Variants in ANKRD52 observed in about 807,000 individuals in gnomAD.
The protein encoded by ANKRD52 is ankyrin repeat domain 52.
In ANKRD52, 7 loss-of-function variants were observed where a neutral mutation model predicts 116.0. The ratio of observed to expected loss-of-function variants is 0.06; its 90% CI spans 0.03 to 0.11. The LOEUF (loss-of-function observed/expected upper bound fraction) is 0.11. Among genes scored for constraint, ANKRD52 ranks in the 10% least tolerant of loss-of-function variants. The probability of loss-of-function intolerance (pLI) is 1.00; values close to 1 mark genes in which losing one functional copy is unlikely to be tolerated. For synonymous variants in ANKRD52, 528 were observed against 578.1 expected (o/e 0.91, Z 1.24); for missense variants, 839 against 1,408.6 (o/e 0.60, Z 6.47).
Position 56,252,268 on chromosome 12 carries a change from A to G in ANKRD52, c.1418T>C (p.Val473Ala). 6.2e-7 allele frequency: 1 copy of G among 1,613,934 alleles called. No individual in the cohort carries two copies. The highest frequency in any genetic ancestry group is 8.5e-7 in the Non-Finnish European group (1 of 1,179,872). ...ACCTGCCCCAGCAGTCACCAATGTT[A>G]CTGCACACTGGTAGCTACCGTTAGC... ...AAANGSYQCA[V>A]TLVTAGAGVN... Residue 473 changes from valine (V) to alanine (A), a missense_variant, in exon 14 of 28, where the codon GTA (valine) becomes GCA (alanine). By Grantham distance (64) the Val-to-Ala change is moderately conservative. Around this residue, in one of 2 missense-constraint regions of ANKRD52, gnomAD observed 552 missense variants for 810.6 expected, o/e 0.68. Transcript: ENST00000267116. The surrounding 1 kb of genome is among the most constrained non-coding windows in gnomAD (Gnocchi z 4.7).
rs771231949 is a variant in ANKRD52, at chr12:56,254,833, A to G, written c.550+32T>C. The G allele has an allele frequency of 1.2e-6, 2 of 1,607,144 alleles. No homozygotes were observed. The highest frequency in any genetic ancestry group is 1.7e-6 in the Non-Finnish European group (2 of 1,173,966). ...CCTGCCCTAGGAATCCTAAATGTCAAATTTCTGATTTTCCCGTGTATTCTC... is the reference window on the plus strand; with the variant it reads ...CCTGCCCTAGGAATCCTAAATGTCAGATTTCTGATTTTCCCGTGTATTCTC... On this transcript the variant is annotated intron_variant, in intron 6 of 27. Transcript: ENST00000267116. The surrounding 1 kb of genome is among the most constrained non-coding windows in gnomAD (Gnocchi z 4.6).
chr12:56,254,932 G>C lies in ANKRD52; in HGVS notation c.483C>G (p.Asn161Lys), dbSNP rs1243593660. The change falls in exon 6 of 28, where the codon AAC becomes AAG. Residue 161 changes from asparagine (N) to lysine (K), a missense_variant. Transcript: ENST00000267116. This position sits in a 1 kb window ranked among gnomAD's most constrained non-coding sequence, Gnocchi z 4.6. ...GHLETVNLLLNKGASLNVCDK... is the reference protein window; with the variant it reads ...GHLETVNLLLKKGASLNVCDK... ...CACAGACATTCAGGCTGGCTCCCTT[G>C]TTGAGGAGCAGGTTCACCGTCTGCA... is the stretch of plus-strand genomic sequence containing the variant. 45 of 1,613,150 alleles carry C rather than the reference G, an allele frequency of 2.8e-5. No individual in the cohort carries two copies. Among genetic ancestry groups the C allele is most frequent in the Non-Finnish European group, 3.7e-5 (44 of 1,179,264 alleles).
At position 56,248,250 on chromosome 12, in the gene ANKRD52, A is replaced by C. The variant is rs1392574421; in HGVS notation, c.1777-26T>G. 1 of 1,611,644 alleles carries C rather than the reference A, an allele frequency of 6.2e-7. No homozygotes were observed. Among genetic ancestry groups the C allele is most frequent in the Admixed American group, 1.7e-5 (1 of 60,016 alleles). On this transcript the variant is annotated intron_variant, in intron 17 of 27. Coordinates refer to ENST00000267116, the MANE Select transcript of ANKRD52 (RefSeq NM_173595.4). The surrounding 1 kb of genome is among the most constrained non-coding windows in gnomAD (Gnocchi z 5.1). ...CTGGCAAGGTGCAGGCAACCAGTGC[A>C]CACAGCTCGGGACCTTCCCTGCTCC...
chr12:56,255,946 C>T lies in ANKRD52; in HGVS notation c.300G>A (p.Val100=). The T allele has an allele frequency of 1.3e-6, 2 of 1,575,850 alleles. No homozygotes were observed. The highest frequency in any genetic ancestry group is 1.7e-6 in the Non-Finnish European group (2 of 1,159,324). Residue 100 remains valine, a synonymous_variant, in exon 5 of 28, where the codon GTG becomes GTA. Coordinates refer to ENST00000267116, the MANE Select transcript of ANKRD52 (RefSeq NM_173595.4). This position sits in a 1 kb window ranked among gnomAD's most constrained non-coding sequence, Gnocchi z 4.3. ...LGLLLAHSAD[V]NARDKLWQTP... ...TCTGCCACAGCTTGTCCCGGGCATT[C>T]ACATCTGCTGAATGTGCCAGCAGCA... is the stretch of plus-strand genomic sequence containing the variant.
Position 56,248,620 on chromosome 12 carries a change from C to T in ANKRD52, c.1705-54G>A, listed in dbSNP as rs1871536742. 1 of 1,526,434 alleles carries T rather than the reference C, an allele frequency of 6.6e-7. No homozygotes were observed. Among genetic ancestry groups the T allele is most frequent in the African/African-American group, 1.4e-5 (1 of 72,814 alleles). 94.6% of individuals were successfully genotyped at this position (1,526,434 alleles called of 1,614,324 possible). A position where few individuals can be genotyped will look rare whatever the true frequency, so the allele number is the denominator to read the frequency against. On this transcript the variant is annotated intron_variant, in intron 16 of 27. Coordinates refer to ENST00000267116, the MANE Select transcript of ANKRD52 (RefSeq NM_173595.4). The surrounding 1 kb of genome is among the most constrained non-coding windows in gnomAD (Gnocchi z 5.1). ...GACTCTGGAACTCCCAAGATAGTAC[C>T]CCAGTCCCCGACTCGCAGTAATCCC...
chr12:56,252,217 C>T lies in ANKRD52; in HGVS notation c.1469G>A (p.Cys490Tyr), dbSNP rs1871735932. 1 of 1,613,838 alleles carries T rather than the reference C, an allele frequency of 6.2e-7. No individual in the cohort carries two copies. The highest frequency in any genetic ancestry group is 1.7e-5 in the Admixed American group (1 of 60,006). ...AGVNEADCKG[C>Y]SPLHYAAASD... ...AGCGGCAGCGTAGTGGAGGGGAGAG[C>T]AGCCTTTACAGTCGGCCTCGTTGAC... is the stretch of plus-strand genomic sequence containing the variant. Residue 490 changes from cysteine (C) to tyrosine (Y), a missense_variant, in exon 14 of 28, where the codon TGC becomes TAC. Cys to Tyr is a radical substitution (Grantham distance 194). This residue lies in a region of ANKRD52 where 552 missense variants were observed against 810.6 expected (regional missense o/e 0.68). Transcript: ENST00000267116. The surrounding 1 kb of genome is among the most constrained non-coding windows in gnomAD (Gnocchi z 4.7).
chr12:56,255,634 G>C lies in ANKRD52; in HGVS notation c.462+150C>G. On this transcript the variant is annotated intron_variant, in intron 5 of 27. Transcript: ENST00000267116. This position sits in a 1 kb window ranked among gnomAD's most constrained non-coding sequence, Gnocchi z 4.3. ...CAAGTTAAGAATTTTAATCTAGTCT[G>C]ACCATTCATTTAGTGCTTCAGCTTA... is the stretch of plus-strand genomic sequence containing the variant. 1.4e-6 allele frequency: 1 copy of C among 691,720 alleles called. No individual in the cohort carries two copies. The highest frequency in any genetic ancestry group is 2.4e-6 in the Non-Finnish European group (1 of 417,730). The allele number at this position is 691,720 out of a possible 1,614,324, so 42.8% of individuals were successfully genotyped here.
rs1871031150 is a variant in ANKRD52, at chr12:56,238,662, G to A, written c.*4480C>T. The A allele has an allele frequency of 6.7e-6, 1 of 150,152 alleles. No homozygotes were observed. The highest frequency in any genetic ancestry group is 1.5e-5 in the Non-Finnish European group (1 of 67,906). 9.3% of individuals were successfully genotyped at this position (150,152 alleles called of 1,614,324 possible). On this transcript the variant is annotated 3_prime_UTR_variant, in exon 28 of 28. Coordinates refer to ENST00000267116, the MANE Select transcript of ANKRD52 (RefSeq NM_173595.4). The stretch of plus-strand genomic sequence containing the variant: ...GCTTCTGTGGCCTGGAGCTGGAGAA[G>A]GGGGTAGGAGACTTCATCCTCCATC...
At position 56,239,286 on chromosome 12, in the gene ANKRD52, G is replaced by C. The variant is rs754567279; in HGVS notation, c.*3856C>G. On this transcript the variant is annotated 3_prime_UTR_variant, in exon 28 of 28. Transcript: ENST00000267116. ...CAGACCACTGGGCTTGGTCCTCAAAGATTCCTCACCTCCGCCCTTGCCCAA... is the reference window on the plus strand; with the variant it reads ...CAGACCACTGGGCTTGGTCCTCAAACATTCCTCACCTCCGCCCTTGCCCAA... 6.6e-6 allele frequency: 1 copy of C among 152,342 alleles called. No homozygotes were observed. The highest frequency in any genetic ancestry group is 1.5e-5 in the Non-Finnish European group (1 of 68,112). 9.4% of individuals were successfully genotyped at this position (152,342 alleles called of 1,614,324 possible).
At chr12:56,256,065 T>C in intron 4 of ANKRD52, 81 bp from the exon 5 acceptor site, 3 of 1,372,200 alleles carry the variant, frequency 2.2e-6, no homozygotes, top group Non-Finnish European at 2.0e-6. Flanking sequence ...TAGGTCAGCA[T>C]AGCATCTACA....
chr12:56,242,296 C>A lies in ANKRD52; in HGVS notation c.*846G>T. On this transcript the variant is annotated 3_prime_UTR_variant, in exon 28 of 28. Coordinates refer to ENST00000267116, the MANE Select transcript of ANKRD52 (RefSeq NM_173595.4). This position sits in a 1 kb window ranked among gnomAD's most constrained non-coding sequence, Gnocchi z 4.3. ...CGCTTACTTAAAAATTCATGACAAGCCTCAAAGTTCAAGGGAAGGAGAGCC... is the reference window on the plus strand; with the variant it reads ...CGCTTACTTAAAAATTCATGACAAGACTCAAAGTTCAAGGGAAGGAGAGCC... The A allele has an allele frequency of 2.5e-6, 1 of 397,356 alleles. No homozygotes were observed. Among genetic ancestry groups the A allele is most frequent in the Non-Finnish European group, 4.4e-6 (1 of 225,746 alleles). The allele number at this position is 397,356 out of a possible 1,614,324, so 24.6% of individuals were successfully genotyped here.
Position 56,253,407 on chromosome 12 carries a change from G to C in ANKRD52, c.986-5C>G. 1 of 1,610,434 alleles carries C rather than the reference G, an allele frequency of 6.2e-7. No individual in the cohort carries two copies. Among genetic ancestry groups the C allele is most frequent in the Non-Finnish European group, 8.5e-7 (1 of 1,177,078 alleles). ...CGGCACAATCAATCTCGCTGCCTGT[G>C]AGGGGATGCACACACACAAGCTCAG... is the stretch of plus-strand genomic sequence containing the variant. On this transcript the variant is annotated splice_polypyrimidine_tract_variant and splice_region_variant and intron_variant, in intron 9 of 27. Transcript: ENST00000267116. The surrounding 1 kb of genome is among the most constrained non-coding windows in gnomAD (Gnocchi z 5.5).
In ANKRD52 at chr12:56,253,774, G is replaced by A. The variant is rs1216273228; in HGVS notation, c.933C>T (p.His311=). 2 of 1,613,882 alleles carry A rather than the reference G, an allele frequency of 1.2e-6. No homozygotes were observed. Among genetic ancestry groups the A allele is most frequent in the Non-Finnish European group, 8.5e-7 (1 of 1,179,894 alleles). Residue 311 remains histidine (H), a synonymous_variant, in exon 9 of 28, where the codon CAC becomes CAT. Coordinates refer to ENST00000267116, the MANE Select transcript of ANKRD52 (RefSeq NM_173595.4). This position sits in a 1 kb window ranked among gnomAD's most constrained non-coding sequence, Gnocchi z 5.5. ...YQSKEGKSPL[H]MAAIHGRFTR... ...TGAAACGGCCATGGATTGCAGCCAT[G>A]TGCAGAGGACTTTTCCCTTCTTTGC...
rs1226463108 is a variant in ANKRD52 at position 56,244,610 on chromosome 12, C to T, written c.2722+42G>A. The T allele has an allele frequency of 6.2e-7, 1 of 1,611,194 alleles. No individual in the cohort carries two copies. Among genetic ancestry groups the T allele is most frequent in the African/African-American group, 1.3e-5 (1 of 74,976 alleles). On this transcript the variant is annotated intron_variant, in intron 24 of 27. Transcript: ENST00000267116. This position sits in a 1 kb window ranked among gnomAD's most constrained non-coding sequence, Gnocchi z 4.9. The stretch of plus-strand genomic sequence containing the variant: ...GCAGGGCTGACCCATCCTGCAAATG[C>T]CCCAGGGGAGCTCCTCCCTTCCACA...
In ANKRD52 at chr12:56,257,327, G is replaced by A. The variant is rs376878688; in HGVS notation, c.146C>T (p.Ala49Val). The A allele has an allele frequency of 3.6e-5, 58 of 1,596,964 alleles. No homozygotes were observed. The highest frequency in any genetic ancestry group is 8.0e-5 in the African/African-American group (6 of 74,590). Residue 49 changes from alanine (A) to valine (V), a missense_variant, in exon 3 of 28, where the codon GCC becomes GTC. Around this residue, in one of 2 missense-constraint regions of ANKRD52, gnomAD observed 287 missense variants for 598.1 expected, o/e 0.48. Coordinates refer to ENST00000267116, the MANE Select transcript of ANKRD52 (RefSeq NM_173595.4). ...QERRTPLHAA[A>V]YVGDVPILQL... is the part of the protein sequence containing the mutation. Reference sequence around the variant, plus strand: ...GAGGATGGGGACATCGCCTACGTAGGCAGCAGCATGCAATGGAGTTCGCCT... The same window carrying A: ...GAGGATGGGGACATCGCCTACGTAGACAGCAGCATGCAATGGAGTTCGCCT...
chr12:56,245,241 T>C, intron 21 of ANKRD52, 51 bp from the exon 22 acceptor site: 1 of 1,608,332 alleles, frequency 6.2e-7, no homozygotes, highest in Admixed American at 1.7e-5. Flanking sequence ...CAAGGTTCCC[T>C]GTCTGTCCTG....
chr12:56,250,226 T>A lies in ANKRD52; in HGVS notation c.1593-1356A>T, dbSNP rs192282768. On this transcript the variant is annotated intron_variant, in intron 15 of 27. Coordinates refer to ENST00000267116, the MANE Select transcript of ANKRD52 (RefSeq NM_173595.4). ...AAATAAATAAATTAATTAATTTATT[T>A]ATTTATTTAATTAAATAAAATAGAG... is the stretch of plus-strand genomic sequence containing the variant. 7.4e-3 allele frequency among the ~76,000 whole-genome samples: 1,125 copies of A among 151,818 alleles called. 8 individuals are homozygous for A. The highest frequency in any genetic ancestry group is 8.9e-3 in the Non-Finnish European group (603 of 67,946).
rs1410637613 is a variant in ANKRD52 at position 56,258,349 on chromosome 12, CGGCGGCTGCGGT to C, written c.-92_-81del. On this transcript the variant is annotated 5_prime_UTR_variant, in exon 1 of 28. Transcript: ENST00000267116. ...CACCGGGGACACGGAGCGGCCCAGG[CGGCGGCTGCGGT>C]GGCGGCTGCAGGGAGAGCGCGGCCC... 1.0e-5 allele frequency: 14 copies of C among 1,376,940 alleles called. No individual in the cohort carries two copies. The highest frequency in any genetic ancestry group is 1.2e-5 in the Non-Finnish European group (13 of 1,064,418). The allele number at this position is 1,376,940 out of a possible 1,614,324, so 85.3% of individuals were successfully genotyped here.
chr12:56,243,064 GC>G lies in ANKRD52; in HGVS notation c.*77del. On this transcript the variant is annotated 3_prime_UTR_variant, in exon 28 of 28. Coordinates refer to ENST00000267116, the MANE Select transcript of ANKRD52 (RefSeq NM_173595.4). This position sits in a 1 kb window ranked among gnomAD's most constrained non-coding sequence, Gnocchi z 4.6. ...ACCCAGTCGTGTTCTCCTTTAAAGT[GC>G]CCTAAATGTTTAGACTTTTTCTAAA... 1 of 1,453,038 alleles carries G rather than the reference GC, an allele frequency of 6.9e-7. No individual in the cohort carries two copies. The highest frequency in any genetic ancestry group is 9.1e-7 in the Non-Finnish European group (1 of 1,098,610). The allele number at this position is 1,453,038 out of a possible 1,614,324, so 90.0% of individuals were successfully genotyped here.
Sources: gnomAD v4.1 joint callset for allele counts (sites outside exome capture counted in the v4.1 genomes callset) on GRCh38, gnomAD v4.1.1 for gene constraint, gnomAD v4.1.1 regional missense constraint, Gnocchi (gnomAD v3.1) non-coding constraint, MANE v1.5 for transcripts, NCBI Gene and HGNC (gene_info 2026-07-23, HGNC 2026-07-21) for gene names.